NUAK1: variants seen among roughly 807,000 people sequenced by gnomAD.
NUAK1 encodes the protein NUAK family SNF1-like kinase 1.
Under a neutral mutation model 56.9 loss-of-function variants are expected in NUAK1, and 26 were observed. That is an observed-to-expected ratio of 0.46 (90% CI 0.33 to 0.63). NUAK1 has a LOEUF of 0.63. Ranked by LOEUF, NUAK1 falls within the 30% of genes least tolerant of loss-of-function variation. The probability of loss-of-function intolerance (pLI) is 0.02; values close to 1 mark genes in which losing one functional copy is unlikely to be tolerated. For synonymous variants in NUAK1, 337 were observed against 336.0 expected (o/e 1.00, Z -0.03); for missense variants, 727 against 876.1 (o/e 0.83, Z 2.15).
chr12:106,080,756 C>T (rs573275649), intron 4 of NUAK1, among the ~76,000 whole-genome samples: 4 of 152,282 alleles, frequency 2.6e-5, no homozygotes, highest in East Asian at 3.9e-4. Flanking sequence ...ACCCTTGAAA[C>T]GTGGAAAATG....
chr12:106,067,435 C>T lies in NUAK1; in HGVS notation c.1353G>A (p.Pro451=), dbSNP rs56353131. The T allele has an allele frequency of 4.4e-3, 7,176 of 1,614,144 alleles. 89 individuals are homozygous for T. In the African/African-American group the frequency reaches 0.045, roughly 10 times the overall value. Residue 451 remains proline (P), a synonymous_variant, in exon 7 of 7, where the codon CCG becomes CCA. Transcript: ENST00000261402. This position sits in a 1 kb window ranked among gnomAD's most constrained non-coding sequence, Gnocchi z 6.0. ...LLPSSPEAEV[P]GKLSPKQSAT... Reference sequence around the variant, plus strand: ...CCGACTGCTTGGGGCTGAGTTTTCCCGGCACCTCTGCCTCTGGTGAGCTTG... The same window carrying T: ...CCGACTGCTTGGGGCTGAGTTTTCCTGGCACCTCTGCCTCTGGTGAGCTTG...
At chr12:106,131,021 C>G (rs2033072431) in intron 1 of NUAK1, among the ~76,000 whole-genome samples, 1 of 152,156 alleles carries the variant, frequency 6.6e-6, no homozygotes, top group Non-Finnish European at 1.5e-5. Flanking sequence ...CCCTGGGGCT[C>G]TCTATGTTGA....
chr12:106,121,725 G>A (rs2032976334), intron 1 of NUAK1, among the ~76,000 whole-genome samples: 1 of 152,076 alleles, frequency 6.6e-6, no homozygotes, highest in Non-Finnish European at 1.5e-5. Flanking sequence ...ATTCCAGCCT[G>A]GGGTACAGAG....
At chr12:106,079,677 A>C (rs538371522) in intron 4 of NUAK1, among the ~76,000 whole-genome samples, 2 of 152,350 alleles carry the variant, frequency 1.3e-5, no homozygotes, top group South Asian at 4.1e-4. Flanking sequence ...GAGCAACTCT[A>C]TTCTTCATTC....
At chr12:106,098,444 C>T (rs571719511) in intron 2 of NUAK1, among the ~76,000 whole-genome samples, 21 of 152,278 alleles carry the variant, frequency 1.4e-4, no homozygotes, top group East Asian at 1.9e-4. Context: ...ACACTTCCAA[C>T]GGATGAGAGA....
chr12:106,118,278 C>A (rs1396650725), intron 1 of NUAK1, among the ~76,000 whole-genome samples: 1 of 152,178 alleles, frequency 6.6e-6, no homozygotes, highest in East Asian at 1.9e-4. Flanking sequence ...CAAGAACTCC[C>A]CAAGTTTCCA....
At chr12:106,100,642 G>A (rs1053764055) in intron 2 of NUAK1, among the ~76,000 whole-genome samples, 2 of 152,190 alleles carry the variant, frequency 1.3e-5, no homozygotes, top group African/African-American at 4.8e-5. Flanking sequence ...CTGGCACATA[G>A]TAAGCACTTT....
rs571505760 is a variant in NUAK1, at chr12:106,072,609, C to A, written c.699+115G>T. The A allele has an allele frequency of 5.0e-6, 6 of 1,207,950 alleles. No individual in the cohort carries two copies. In the Admixed American group the frequency reaches 1.1e-4, roughly 23 times the overall value. 74.8% of individuals were successfully genotyped at this position (1,207,950 alleles called of 1,614,324 possible). ...TATAATCGTATAAGGAAACGTTTTC[C>A]TTGCTGGCTTTTTTAGGCTCTGTTT... On this transcript the variant is annotated intron_variant, in intron 5 of 6. Coordinates refer to ENST00000261402, the MANE Select transcript of NUAK1 (RefSeq NM_014840.3).
In NUAK1 at chr12:106,067,182, T is replaced by C; in HGVS notation, c.1606A>G (p.Met536Val). 2 of 1,614,060 alleles carry C rather than the reference T, an allele frequency of 1.2e-6. No homozygotes were observed. The highest frequency in any genetic ancestry group is 1.7e-6 in the Non-Finnish European group (2 of 1,179,994). The change falls in exon 7 of 7, where the codon ATG becomes GTG. Residue 536 changes from methionine to valine, a missense_variant. Coordinates refer to ENST00000261402, the MANE Select transcript of NUAK1 (RefSeq NM_014840.3). The surrounding 1 kb of genome is among the most constrained non-coding windows in gnomAD (Gnocchi z 6.0). ...TCAGGGCTGACCAGGGCTGGGTCCA[T>C]GGTGCCCGCTGAGTATTTGCTGCTG... The part of the protein sequence containing the change: ...KHSSKYSAGT[M>V]DPALVSPEMP...
intron 1 of NUAK1, among the ~76,000 whole-genome samples, chr12:106,128,986 T>A (rs1375089304): frequency 2.6e-5 from 4 of 152,266 alleles, no homozygotes; most frequent in African/African-American, 9.6e-5. Context: ...ACCTTGCAGA[T>A]GCATTTTGCA....
intron 1 of NUAK1, among the ~76,000 whole-genome samples, chr12:106,108,918 A>C (rs887805604): frequency 1.3e-5 from 2 of 152,222 alleles, no homozygotes; most frequent in South Asian, 4.1e-4. Context: ...GAAAGTGCCC[A>C]CATTCTCATC....
At chr12:106,091,178 A>G (rs1342813277) in intron 2 of NUAK1, among the ~76,000 whole-genome samples, 1 of 152,178 alleles carries the variant, frequency 6.6e-6, no homozygotes, top group East Asian at 1.9e-4. Context: ...GCAAAAGCTT[A>G]TTTTCCACCA....
intron 1 of NUAK1, among the ~76,000 whole-genome samples, chr12:106,135,422 C>T (rs890575106): frequency 1.3e-5 from 2 of 152,214 alleles, no homozygotes; most frequent in African/African-American, 2.4e-5. Context: ...CTGCCTTTCG[C>T]GGCACATAGA....
At chr12:106,095,148 C>A (rs1468971800) in intron 2 of NUAK1, among the ~76,000 whole-genome samples, 6 of 152,170 alleles carry the variant, frequency 3.9e-5, no homozygotes, top group Admixed American at 1.3e-4. Flanking sequence ...ACACAACACA[C>A]ACACACCACT....
intron 2 of NUAK1, among the ~76,000 whole-genome samples, chr12:106,091,792 T>C (rs1319609647): frequency 1.3e-5 from 2 of 152,210 alleles, no homozygotes; most frequent in Non-Finnish European, 2.9e-5. Flanking sequence ...AGAAAGCTTG[T>C]AATAAGAATA....
intron 2 of NUAK1, among the ~76,000 whole-genome samples, chr12:106,102,219 T>C (rs539521061): frequency 6.6e-6 from 1 of 152,340 alleles, no homozygotes; most frequent in African/African-American, 2.4e-5. Flanking sequence ...TTGGAGGCAC[T>C]GGATTCTCGT....
chr12:106,088,505 C>T (rs1392782123), intron 2 of NUAK1, among the ~76,000 whole-genome samples: 3 of 152,220 alleles, frequency 2.0e-5, no homozygotes, highest in Admixed American at 2.0e-4. Flanking sequence ...CCCAGGTCCT[C>T]TGCCTAGACG....
chr12:106,075,958 T>C (rs1041025598), intron 4 of NUAK1, among the ~76,000 whole-genome samples: 2 of 152,252 alleles, frequency 1.3e-5, no homozygotes, highest in African/African-American at 2.4e-5. Context: ...CTTCTATTCA[T>C]GGTAAGTGAT....
chr12:106,082,175 A>C (rs1439711882), intron 4 of NUAK1, among the ~76,000 whole-genome samples: 1 of 152,256 alleles, frequency 6.6e-6, no homozygotes, highest in Non-Finnish European at 1.5e-5. Context: ...GTAACAGTTC[A>C]GAAAATACTC....
Sources: gnomAD v4.1 joint callset for allele counts (sites outside exome capture counted in the v4.1 genomes callset) on GRCh38, gnomAD v4.1.1 for gene constraint, Gnocchi (gnomAD v3.1) non-coding constraint, MANE v1.5 for transcripts, NCBI Gene and HGNC (gene_info 2026-07-23, HGNC 2026-07-21) for gene names.